The following LSM7 variants were observed in gnomAD, a reference collection of about 807,000 sequenced individuals.
The protein encoded by LSM7 is LSM7 homolog, U6 small nuclear RNA and mRNA degradation associated.
A neutral mutation model predicts 14.1 loss-of-function variants in LSM7; 13 were observed. The ratio of observed to expected loss-of-function variants is 0.92; its 90% CI spans 0.60 to 1.47. The LOEUF (loss-of-function observed/expected upper bound fraction) is 1.47, where lower values mean the gene tolerates loss of function less well. Among genes scored for constraint, LSM7 ranks in the 40% most tolerant of loss-of-function variants. The pLI, the probability that LSM7 is intolerant of heterozygous loss-of-function variation, is 0.00. For missense variants in LSM7, 108 were observed against 140.8 expected (o/e 0.77, Z 1.18); for synonymous variants, 70 against 57.1 (o/e 1.23, Z -1.02).
At position 2,328,547 on chromosome 19, in the gene LSM7, C is replaced by T. The variant is rs1488447717; in HGVS notation, c.6+14G>A. 1 of 1,598,614 alleles carries T rather than the reference C, an allele frequency of 6.3e-7. No individual in the cohort carries two copies. The highest frequency in any genetic ancestry group is 1.3e-5 in the African/African-American group (1 of 74,634). ...CTCCACGCCCCCCGGCTCCAGATTCCGCCGCGCGCTCACCGCCATCTTGTC... is the reference window on the plus strand; with the variant it reads ...CTCCACGCCCCCCGGCTCCAGATTCTGCCGCGCGCTCACCGCCATCTTGTC... On this transcript the variant is annotated intron_variant, in intron 1 of 3. Coordinates refer to ENST00000252622, the MANE Select transcript of LSM7 (RefSeq NM_016199.3).
intron 2 of LSM7, among the ~76,000 whole-genome samples, chr19:2,327,361 GC>G (rs1479144053): frequency 6.6e-6 from 1 of 151,928 alleles, no homozygotes; most frequent in Non-Finnish European, 1.5e-5. Flanking sequence ...TCCTGCCTCA[GC>G]CCCCCGAGTA....
chr19:2,324,216 G>A lies in LSM7; in HGVS notation c.98-20C>T. 6.4e-7 allele frequency: 1 copy of A among 1,555,948 alleles called. No homozygotes were observed. The highest frequency in any genetic ancestry group is 8.7e-7 in the Non-Finnish European group (1 of 1,147,074). ...CACTGGCTTGGAGAAATCACCGGGG[G>A]AGAGAAAAGAGAAGGCATGAGATCC... On this transcript the variant is annotated intron_variant, in intron 2 of 3. Transcript: ENST00000252622.
At chr19:2,322,898 T>TG (rs1479992477) in intron 3 of LSM7, among the ~76,000 whole-genome samples, 104 of 151,894 alleles carry the variant, frequency 6.8e-4, no homozygotes, top group African/African-American at 2.4e-3. Context: ...TTTTTTTTTT[T>TG]GTAGAGACAG....
At chr19:2,328,102 C>G (rs11084932) in intron 2 of LSM7, 227,652 of 323,532 alleles carry the variant, frequency 0.7, 82,299 homozygotes, top group Non-Finnish European at 0.77. Flanking sequence ...CCAACATGGC[C>G]TCTCTACTAA....
Position 2,328,558 on chromosome 19 carries a change from C to G in LSM7, c.6+3G>C. On this transcript the variant is annotated splice_donor_region_variant and intron_variant, in intron 1 of 3. Coordinates refer to ENST00000252622, the MANE Select transcript of LSM7 (RefSeq NM_016199.3). ...CCGGCTCCAGATTCCGCCGCGCGCT[C>G]ACCGCCATCTTGTCGCGCCGTGTGG... 6.3e-7 allele frequency: 1 copy of G among 1,592,528 alleles called. No homozygotes were observed. The highest frequency in any genetic ancestry group is 1.3e-5 in the African/African-American group (1 of 74,644).
At chr19:2,322,408 G>A (rs1390223002) in intron 3 of LSM7, among the ~76,000 whole-genome samples, 1 of 152,210 alleles carries the variant, frequency 6.6e-6, no homozygotes, top group East Asian at 1.9e-4. Context: ...GGGCGTGGTG[G>A]CAGGCACTTG....
chr19:2,327,968 A>G, intron 2 of LSM7: 1 of 169,406 alleles, frequency 5.9e-6, no homozygotes, highest in Admixed American at 5.9e-5. Flanking sequence ...GGCTAGGAGA[A>G]GGCAGCTCAC....
chr19:2,321,643 T>C lies in LSM7; in HGVS notation c.*37A>G. On this transcript the variant is annotated 3_prime_UTR_variant, in exon 4 of 4. Transcript: ENST00000252622. The surrounding 1 kb of genome is among the most constrained non-coding windows in gnomAD (Gnocchi z 5.0). ...CCAAGTCCGCGGGAAACCGAGCTGC[T>C]CGGGCCTGCCCTGCACCCCCCGCGC... The C allele has an allele frequency of 7.2e-7, 1 of 1,397,136 alleles. No homozygotes were observed. The highest frequency in any genetic ancestry group is 2.9e-5 in the East Asian group (1 of 34,560). 86.5% of individuals were successfully genotyped at this position (1,397,136 alleles called of 1,614,324 possible). A position where few individuals can be genotyped will look rare whatever the true frequency, so the allele number is the denominator to read the frequency against.
intron 2 of LSM7, among the ~76,000 whole-genome samples, chr19:2,326,957 G>C (rs1968035819): frequency 6.6e-6 from 1 of 152,224 alleles, no homozygotes; most frequent in African/African-American, 2.4e-5. Context: ...GCCCTGCAAA[G>C]GTAAGGCACT....
chr19:2,324,225 G>A, intron 2 of LSM7, 29 bp from the exon 3 acceptor site: 1 of 1,529,504 alleles, frequency 6.5e-7, no homozygotes, highest in Non-Finnish European at 8.9e-7. Context: ...GGAGAGAAAA[G>A]AGAAGGCATG....
chr19:2,321,957 G>A lies in LSM7; in HGVS notation c.170-135C>T. 1 of 803,162 alleles carries A rather than the reference G, an allele frequency of 1.2e-6. No homozygotes were observed. Among genetic ancestry groups the A allele is most frequent in the Non-Finnish European group, 1.7e-6 (1 of 575,958 alleles). 49.8% of individuals were successfully genotyped at this position (803,162 alleles called of 1,614,324 possible). On this transcript the variant is annotated intron_variant, in intron 3 of 3. Transcript: ENST00000252622. The surrounding 1 kb of genome is among the most constrained non-coding windows in gnomAD (Gnocchi z 5.0). ...ACGAGCACGCAGGGACCTCAGACGGGATGCGCTCTGTGGGGCAGGTCCCCG... is the reference window on the plus strand; with the variant it reads ...ACGAGCACGCAGGGACCTCAGACGGAATGCGCTCTGTGGGGCAGGTCCCCG...
intron 2 of LSM7, chr19:2,325,040 G>C (rs1019169937): frequency 1.3e-5 from 2 of 152,240 alleles, no homozygotes; most frequent in Non-Finnish European, 1.5e-5. Flanking sequence ...TAGGGCTTGC[G>C]GGGAGCAGGC....
intron 2 of LSM7, among the ~76,000 whole-genome samples, chr19:2,327,228 T>C (rs1568422374): frequency 6.6e-6 from 1 of 152,240 alleles, no homozygotes; most frequent in Non-Finnish European, 1.5e-5. Context: ...GGAGTCAGCA[T>C]GGTGTAGACT....
chr19:2,322,182 C>A (rs915131916), intron 3 of LSM7, among the ~76,000 whole-genome samples: 4 of 152,190 alleles, frequency 2.6e-5, no homozygotes, highest in African/African-American at 7.2e-5. Context: ...AATACAGGCA[C>A]CCTGGGCCTC....
At chr19:2,322,841 G>A (rs1967954162) in intron 3 of LSM7, among the ~76,000 whole-genome samples, 1 of 151,924 alleles carries the variant, frequency 6.6e-6, no homozygotes, top group African/African-American at 2.4e-5. Flanking sequence ...CTCCTGAGTA[G>A]CTGGGGCCAC....
chr19:2,325,681 G>C (rs897959460), intron 2 of LSM7, among the ~76,000 whole-genome samples: 2 of 152,088 alleles, frequency 1.3e-5, no homozygotes, highest in East Asian at 3.9e-4. Context: ...TGCAAACTAC[G>C]ACCCCCAGGT....
chr19:2,328,526 A>C (rs753982871), intron 1 of LSM7, 35 bp downstream of exon 1: 1 of 1,607,786 alleles, frequency 6.2e-7, no homozygotes, highest in Non-Finnish European at 8.5e-7. Context: ...CCCGAGCTCC[A>C]CGCCCCCCGG....
chr19:2,323,576 G>C (rs887182044), intron 3 of LSM7, among the ~76,000 whole-genome samples: 1 of 152,034 alleles, frequency 6.6e-6, no homozygotes. Flanking sequence ...TCAGCCTCCC[G>C]AGCAGCTGGG....
Position 2,324,211 on chromosome 19 carries a change from CG to C in LSM7, c.98-16del. On this transcript the variant is annotated splice_polypyrimidine_tract_variant and intron_variant, in intron 2 of 3. Transcript: ENST00000252622. ...GATTCCACTGGCTTGGAGAAATCAC[CG>C]GGGGAGAGAAAAGAGAAGGCATGAG... The C allele has an allele frequency of 6.4e-7, 1 of 1,564,640 alleles. No homozygotes were observed. The highest frequency in any genetic ancestry group is 1.4e-5 in the African/African-American group (1 of 73,708).
Sources: allele counts gnomAD v4.1 joint callset (sites outside exome capture counted in the v4.1 genomes callset), GRCh38; gene constraint gnomAD v4.1.1; non-coding constraint Gnocchi (gnomAD v3.1); transcripts MANE v1.5; gene names NCBI Gene and HGNC (gene_info 2026-07-23, HGNC 2026-07-21).